The following CSNK1G1 variants were observed in gnomAD, a reference collection of about 807,000 sequenced individuals.
CSNK1G1 encodes casein kinase I isoform gamma-1.
In CSNK1G1, 22 loss-of-function variants were observed where a neutral mutation model predicts 59.6. That is an observed-to-expected ratio of 0.37 (90% CI 0.26 to 0.53). CSNK1G1 has a LOEUF of 0.53. Ranked by LOEUF, CSNK1G1 falls within the 20% of genes least tolerant of loss-of-function variation. The pLI is 0.89. For synonymous variants in CSNK1G1, 179 were observed against 177.1 expected, an observed-to-expected ratio of 1.01 and a Z score of -0.08; for missense variants, 384 against 519.5, an observed-to-expected ratio of 0.74 and a Z score of 2.54.
intron 2 of CSNK1G1, among the ~76,000 whole-genome samples, chr15:64,290,547 G>A (rs1424460472): frequency 1.3e-5 from 2 of 152,166 alleles, no homozygotes; most frequent in Non-Finnish European, 2.9e-5. Flanking sequence ...CATGGACACA[G>A]AGTGTGGAAT....
At chr15:64,227,199 A>C (rs747676482) in intron 4 of CSNK1G1, among the ~76,000 whole-genome samples, 1 of 152,252 alleles carries the variant, frequency 6.6e-6, no homozygotes. Context: ...TGGATTTAAA[A>C]TGTGCACGAA....
At position 64,214,169 on chromosome 15, in the gene CSNK1G1, A is replaced by G. The variant is rs376780614; in HGVS notation, c.445-45T>C. On this transcript the variant is annotated intron_variant, in intron 5 of 11. Transcript: ENST00000303052. This position sits in a 1 kb window ranked among gnomAD's most constrained non-coding sequence, Gnocchi z 4.3. ...TAGAAAGACTGTAAAGAAGTATATCAGGAAAATACATCAAAACAGTTTCTT... is the reference window on the plus strand; with the variant it reads ...TAGAAAGACTGTAAAGAAGTATATCGGGAAAATACATCAAAACAGTTTCTT... The G allele has an allele frequency of 5.2e-6, 7 of 1,339,194 alleles. No homozygotes were observed. In the African/African-American group the frequency reaches 1.0e-4, roughly 19 times the overall value. The allele number at this position is 1,339,194 out of a possible 1,614,324, so 83.0% of individuals were successfully genotyped here. A position where few individuals can be genotyped will look rare whatever the true frequency, so the allele number is the denominator to read the frequency against.
intron 4 of CSNK1G1, among the ~76,000 whole-genome samples, chr15:64,227,932 C>T (rs2082484274): frequency 6.6e-6 from 1 of 152,168 alleles, no homozygotes; most frequent in Admixed American, 6.5e-5. Context: ...TCCATGCTCC[C>T]CAACCCAACT....
intron 10 of CSNK1G1, among the ~76,000 whole-genome samples, chr15:64,202,170 G>A (rs2082117458): frequency 6.6e-6 from 1 of 152,184 alleles, no homozygotes; most frequent in Admixed American, 6.5e-5. Context: ...AGTCTTCACT[G>A]CAGGTCCATC....
In CSNK1G1 at chr15:64,214,436, G is replaced by A. The variant is rs897374515; in HGVS notation, c.445-312C>T. 6.6e-6 allele frequency among the ~76,000 whole-genome samples: 1 copy of A among 152,134 alleles called. No homozygotes were observed. The highest frequency in any genetic ancestry group is 2.4e-5 in the African/African-American group (1 of 41,432). ...AATCAGTTGTTTATATGCTACGTCAGAAAATTAAGCATTTGAGACAAAAGA... is the reference window on the plus strand; with the variant it reads ...AATCAGTTGTTTATATGCTACGTCAAAAAATTAAGCATTTGAGACAAAAGA... On this transcript the variant is annotated intron_variant, in intron 5 of 11. Coordinates refer to ENST00000303052, the MANE Select transcript of CSNK1G1 (RefSeq NM_022048.5). The surrounding 1 kb of genome is among the most constrained non-coding windows in gnomAD (Gnocchi z 4.3).
rs552615843 is a variant in CSNK1G1 at position 64,289,746 on chromosome 15, A to G, written c.181+10573T>C. ...TACAATACTAATTGTAAGAATTTACAAGGAACTTAAACAAACAATAACAAA... is the reference window on the plus strand; with the variant it reads ...TACAATACTAATTGTAAGAATTTACGAGGAACTTAAACAAACAATAACAAA... On this transcript the variant is annotated intron_variant, in intron 2 of 11. Coordinates refer to ENST00000303052, the MANE Select transcript of CSNK1G1 (RefSeq NM_022048.5). Among the ~76,000 whole-genome samples, 9 of 152,336 alleles carry G rather than the reference A, an allele frequency of 5.9e-5. No homozygotes were observed. The South Asian group carries it at 1.2e-3, about 21-fold the overall frequency.
chr15:64,258,542 C>T (rs1183926015), intron 3 of CSNK1G1, among the ~76,000 whole-genome samples: 1 of 152,082 alleles, frequency 6.6e-6, no homozygotes, highest in African/African-American at 2.4e-5. Flanking sequence ...CACAGAGTTT[C>T]AGTGAAACTA....
In CSNK1G1 at chr15:64,188,201, T is replaced by G. The variant is rs1378062601; in HGVS notation, c.1108-7747A>C. Among the ~76,000 whole-genome samples, 1 of 152,166 alleles carries G rather than the reference T, an allele frequency of 6.6e-6. No individual in the cohort carries two copies. Among genetic ancestry groups the G allele is most frequent in the Non-Finnish European group, 1.5e-5 (1 of 68,028 alleles). Reference sequence around the variant, plus strand: ...CTTAGTCAATGACAACAGGAAGTAATCATTTTAACAAGCGACTCTTACCCA... The same window carrying G: ...CTTAGTCAATGACAACAGGAAGTAAGCATTTTAACAAGCGACTCTTACCCA... On this transcript the variant is annotated intron_variant, in intron 10 of 11. Transcript: ENST00000303052. The surrounding 1 kb of genome is among the most constrained non-coding windows in gnomAD (Gnocchi z 4.2).
chr15:64,287,578 A>T (rs1193085960), intron 2 of CSNK1G1, among the ~76,000 whole-genome samples: 1 of 152,186 alleles, frequency 6.6e-6, no homozygotes, highest in South Asian at 2.1e-4. Flanking sequence ...TGTTGTGTAC[A>T]GCTTTCATCA....
chr15:64,252,002 A>T (rs1892113031), intron 3 of CSNK1G1, among the ~76,000 whole-genome samples: 1 of 152,120 alleles, frequency 6.6e-6, no homozygotes, highest in South Asian at 2.1e-4. Context: ...AAGAAAATTC[A>T]AATATACAAA....
At chr15:64,329,236 ACAC>A (rs1001785088) in intron 1 of CSNK1G1, among the ~76,000 whole-genome samples, 2 of 152,064 alleles carry the variant, frequency 1.3e-5, no homozygotes, top group African/African-American at 4.8e-5. Context: ...TTTCAGCACC[ACAC>A]CACACCTATT....
chr15:64,307,785 C>CA (rs1230331199), intron 1 of CSNK1G1, among the ~76,000 whole-genome samples: 1 of 152,188 alleles, frequency 6.6e-6, no homozygotes, highest in Non-Finnish European at 1.5e-5. Context: ...CTCCCGGGTT[C>CA]ACGCCATTCT....
intron 10 of CSNK1G1, among the ~76,000 whole-genome samples, chr15:64,194,517 C>CTTTTTTTTTTT (rs374224209): frequency 6.2e-5 from 8 of 128,294 alleles, no homozygotes; most frequent in African/African-American, 1.2e-4. Flanking sequence ...CTTTTCTTTT[C>CTTTTTTTTTTT]TTTTTTTTTT....
intron 2 of CSNK1G1, among the ~76,000 whole-genome samples, chr15:64,289,549 T>C (rs986941007): frequency 6.6e-6 from 1 of 151,818 alleles, no homozygotes; most frequent in African/African-American, 2.4e-5. Flanking sequence ...TCCAAGAAAA[T>C]TAAAATGCAC....
chr15:64,248,234 C>A (rs184710992), intron 4 of CSNK1G1, among the ~76,000 whole-genome samples: 76 of 152,314 alleles, frequency 5.0e-4, no homozygotes, highest in Non-Finnish European at 8.2e-4. Context: ...AATGCTGTGC[C>A]TCTAAGTTAA....
chr15:64,307,140 C>T (rs1416513314), intron 1 of CSNK1G1, among the ~76,000 whole-genome samples: 5 of 152,010 alleles, frequency 3.3e-5, no homozygotes, highest in African/African-American at 1.2e-4. Flanking sequence ...ATGTAAACTA[C>T]CGACTTTAGT....
At chr15:64,196,455 C>CTT (rs869219108) in intron 10 of CSNK1G1, among the ~76,000 whole-genome samples, 2 of 143,704 alleles carry the variant, frequency 1.4e-5, no homozygotes, top group African/African-American at 2.5e-5. Context: ...ATCACCTGAA[C>CTT]TTTTTTTTTT....
At chr15:64,326,799 G>A (rs1255339998) in intron 1 of CSNK1G1, among the ~76,000 whole-genome samples, 3 of 151,454 alleles carry the variant, frequency 2.0e-5, no homozygotes, top group East Asian at 2.0e-4. Flanking sequence ...GACAGTGGGC[G>A]CAGGCCAGTG....
chr15:64,270,348 T>G (rs547642704), intron 2 of CSNK1G1, among the ~76,000 whole-genome samples: 1 of 152,262 alleles, frequency 6.6e-6, no homozygotes, highest in African/African-American at 2.4e-5. Flanking sequence ...CTGCTAGCTG[T>G]GGGGTTGAAT....
Sources: allele counts gnomAD v4.1 joint callset (sites outside exome capture counted in the v4.1 genomes callset), GRCh38; gene constraint gnomAD v4.1.1; non-coding constraint Gnocchi (gnomAD v3.1); transcripts MANE v1.5; gene names NCBI Gene and HGNC (gene_info 2026-07-23, HGNC 2026-07-21).